Variants in REEP1 observed in about 807,000 individuals in gnomAD.
REEP1 encodes receptor expression-enhancing protein 1.
In REEP1, 22 loss-of-function variants were observed where a neutral mutation model predicts 40.3. That is an observed-to-expected ratio of 0.55 (90% CI 0.39 to 0.78). REEP1 has a LOEUF of 0.78. Ranked by LOEUF, REEP1 falls within the 30% of genes least tolerant of loss-of-function variation. The pLI is 0.00. For synonymous variants in REEP1, 116 were observed against 139.2 expected (o/e 0.83, Z 1.17); for missense variants, 280 against 361.1 (o/e 0.78, Z 1.82).
At chr2:86,276,715 C>G (rs1018120622) in intron 2 of REEP1, among the ~76,000 whole-genome samples, 1 of 152,132 alleles carries the variant, frequency 6.6e-6, no homozygotes, top group Non-Finnish European at 1.5e-5. Flanking sequence ...GTGCAGGAAC[C>G]AAGGAAATGA....
chr2:86,257,536 C>T (rs1676629435), intron 3 of REEP1, among the ~76,000 whole-genome samples: 2 of 152,146 alleles, frequency 1.3e-5, no homozygotes, highest in East Asian at 1.9e-4. Context: ...GCATTCTATA[C>T]ACCCGTTACT....
intron 3 of REEP1, among the ~76,000 whole-genome samples, chr2:86,258,780 G>A (rs945652534): frequency 6.6e-6 from 1 of 152,138 alleles, no homozygotes; most frequent in Non-Finnish European, 1.5e-5. Context: ...AGATGTATTT[G>A]AAAAGGCCAG....
intron 1 of REEP1, among the ~76,000 whole-genome samples, chr2:86,290,580 ATG>A (rs1678641518): frequency 6.6e-6 from 1 of 152,152 alleles, no homozygotes. Context: ...TACCTTCCTG[ATG>A]TCAGAAGGTC....
intron 1 of REEP1, among the ~76,000 whole-genome samples, chr2:86,301,688 A>T (rs1258945768): frequency 6.6e-6 from 1 of 152,270 alleles, no homozygotes; most frequent in Non-Finnish European, 1.5e-5. Context: ...ACATATGATC[A>T]GTTGGAAAAT....
chr2:86,227,503 TACAATATA>T lies in REEP1; in HGVS notation c.596-113_596-106del, dbSNP rs1202604492. 3.3e-6 allele frequency: 3 copies of T among 911,762 alleles called. No individual in the cohort carries two copies. In the Admixed American group the frequency reaches 1.3e-4, roughly 39 times the overall value. The allele number at this position is 911,762 out of a possible 1,614,324, so 56.5% of individuals were successfully genotyped here. ...GGAGAGGTGTGGGGATCCCAGTGTG[TACAATATA>T]GGGATCCCAGGAAGGTGGGTCTCTG... On this transcript the variant is annotated intron_variant, in intron 6 of 8. Transcript: ENST00000538924.
intron 1 of REEP1, among the ~76,000 whole-genome samples, chr2:86,300,830 A>G (rs1679226991): frequency 6.6e-6 from 1 of 152,204 alleles, no homozygotes; most frequent in African/African-American, 2.4e-5. Context: ...TGGATGCCCT[A>G]AAACTTGGGT....
At chr2:86,287,379 C>T (rs369931976) in intron 1 of REEP1, among the ~76,000 whole-genome samples, 2 of 152,180 alleles carry the variant, frequency 1.3e-5, no homozygotes, top group Non-Finnish European at 2.9e-5. Context: ...TGAGCCACTG[C>T]ACCCAGCCTT....
chr2:86,326,698 G>GTAAAACTCCATCTCAAAA (rs1407231100), intron 1 of REEP1, among the ~76,000 whole-genome samples: 1 of 147,328 alleles, frequency 6.8e-6, no homozygotes, highest in African/African-American at 2.5e-5. Flanking sequence ...GGCGACAAGA[G>GTAAAACTCCATCTCAAAA]TAAAACTCCA....
intron 1 of REEP1, among the ~76,000 whole-genome samples, chr2:86,305,288 A>T (rs181473032): frequency 1.2e-4 from 19 of 152,238 alleles, no homozygotes; most frequent in Admixed American, 1.2e-3. Context: ...TGTTACTTGC[A>T]TCCAAAGGAA....
At chr2:86,291,098 C>T (rs993556999) in intron 1 of REEP1, among the ~76,000 whole-genome samples, 4 of 152,148 alleles carry the variant, frequency 2.6e-5, no homozygotes, top group Non-Finnish European at 5.9e-5. Context: ...TTGAGTCTCA[C>T]AATTAGGGGA....
At chr2:86,234,226 C>T (rs567429197) in intron 5 of REEP1, among the ~76,000 whole-genome samples, 105 of 151,986 alleles carry the variant, frequency 6.9e-4, no homozygotes, top group African/African-American at 4.3e-4. Flanking sequence ...TTAGAAGAAA[C>T]GCCAGAAGAG....
intron 1 of REEP1, among the ~76,000 whole-genome samples, chr2:86,293,149 C>G (rs911224684): frequency 2.6e-5 from 4 of 152,208 alleles, no homozygotes; most frequent in Non-Finnish European, 5.9e-5. Context: ...TACTCTGTGT[C>G]AGATTCTGAG....
At chr2:86,250,648 A>G (rs1372214022) in intron 5 of REEP1, among the ~76,000 whole-genome samples, 2 of 152,086 alleles carry the variant, frequency 1.3e-5, no homozygotes, top group African/African-American at 4.8e-5. Flanking sequence ...TGCCACATGG[A>G]GTGGCGGGAT....
chr2:86,240,023 G>A (rs116424699), intron 5 of REEP1: 1 of 152,556 alleles, frequency 6.6e-6, no homozygotes, highest in Admixed American at 6.5e-5. Flanking sequence ...AGGGTTACCT[G>A]CCCTTCTCTC....
chr2:86,250,959 ATCT>A (rs1676240053), intron 5 of REEP1, among the ~76,000 whole-genome samples: 1 of 152,148 alleles, frequency 6.6e-6, no homozygotes, highest in South Asian at 2.1e-4. Flanking sequence ...TGTACTAATC[ATCT>A]TCTTGCAAAC....
At chr2:86,310,644 A>C (rs1679717493) in intron 1 of REEP1, among the ~76,000 whole-genome samples, 1 of 151,852 alleles carries the variant, frequency 6.6e-6, no homozygotes, top group Admixed American at 6.6e-5. Flanking sequence ...TCAACCTTCA[A>C]CCTTTCTAAT....
intron 5 of REEP1, among the ~76,000 whole-genome samples, chr2:86,245,217 G>A (rs1166415430): frequency 6.6e-6 from 1 of 152,176 alleles, no homozygotes; most frequent in Non-Finnish European, 1.5e-5. Context: ...AAAAGGGCTT[G>A]TGGGGTGCCT....
chr2:86,315,811 C>T (rs965391852), intron 1 of REEP1, among the ~76,000 whole-genome samples: 2 of 152,162 alleles, frequency 1.3e-5, no homozygotes, highest in Non-Finnish European at 2.9e-5. Flanking sequence ...CAGGGTGGGT[C>T]CTGGCTGGTT....
chr2:86,217,450 A>G (rs1386728321), intron 8 of REEP1, among the ~76,000 whole-genome samples: 3 of 152,124 alleles, frequency 2.0e-5, no homozygotes, highest in African/African-American at 4.8e-5. Context: ...ACACCTCCGC[A>G]TGCTTCCTTT....
Sources: allele counts gnomAD v4.1 joint callset (sites outside exome capture counted in the v4.1 genomes callset), GRCh38; gene constraint gnomAD v4.1.1; transcripts MANE v1.5; gene names NCBI Gene and HGNC (gene_info 2026-07-23, HGNC 2026-07-21).